The following HESX1 variants were observed in gnomAD, a reference collection of about 807,000 sequenced individuals.
HESX1 encodes the protein HESX homeobox 1, also known as homeobox expressed in ES cells 1.
In HESX1, 11 loss-of-function variants were observed where a neutral mutation model predicts 22.5. The ratio of observed to expected loss-of-function variants is 0.49; its 90% CI spans 0.31 to 0.81. The LOEUF (loss-of-function observed/expected upper bound fraction) is 0.81, where lower values mean the gene tolerates loss of function less well. HESX1 is among the 30% of genes least tolerant of loss of function. The probability of loss-of-function intolerance (pLI) is 0.05; values close to 1 mark genes in which losing one functional copy is unlikely to be tolerated. For synonymous variants in HESX1, 74 were observed against 76.5 expected, an observed-to-expected ratio of 0.97 and a Z score of 0.17; for missense variants, 201 against 212.6, an observed-to-expected ratio of 0.95 and a Z score of 0.34.
chr3:57,220,292 C>G (rs2060608545), intron 1 of HESX1, among the ~76,000 whole-genome samples: 1 of 152,108 alleles, frequency 6.6e-6, no homozygotes, highest in Admixed American at 6.5e-5. Context: ...AAAGCATTGT[C>G]TTAACACATT....
upstream of HESX1, among the ~76,000 whole-genome samples, chr3:57,201,875 A>ATCTATC (rs796249286): frequency 0.01 from 1,368 of 131,896 alleles, 10 homozygotes; most frequent in East Asian, 0.027. Flanking sequence ...CTATCTATCT[A>ATCTATC]TATCTATCTA....
chr3:57,223,046 G>A (rs1185746048), intron 1 of HESX1, among the ~76,000 whole-genome samples: 3 of 152,042 alleles, frequency 2.0e-5, no homozygotes, highest in East Asian at 1.9e-4. Flanking sequence ...TGCTTATTGC[G>A]CTAGGAGCTA....
chr3:57,206,720 C>T (rs1229878169), intron 1 of HESX1, among the ~76,000 whole-genome samples: 1 of 152,174 alleles, frequency 6.6e-6, no homozygotes, highest in Non-Finnish European at 1.5e-5. Context: ...CTGAAGACTC[C>T]TCTTGGTTCC....
chr3:57,202,405 G>A (rs755849590), upstream of HESX1, among the ~76,000 whole-genome samples: 3 of 151,810 alleles, frequency 2.0e-5, no homozygotes, highest in Non-Finnish European at 4.4e-5. Flanking sequence ...GCGTGATCTC[G>A]GCTCACTGCA....
chr3:57,210,133 T>A (rs1378863353), intron 1 of HESX1, among the ~76,000 whole-genome samples: 1 of 152,208 alleles, frequency 6.6e-6, no homozygotes, highest in East Asian at 1.9e-4. Flanking sequence ...AAACTTTGCA[T>A]ATGATATCAA....
At chr3:57,227,028 T>C (rs764479825), upstream of HESX1, among the ~76,000 whole-genome samples, 14 of 152,226 alleles carry the variant, frequency 9.2e-5, no homozygotes, top group Non-Finnish European at 2.1e-4. Flanking sequence ...GCCAATTAGT[T>C]ACTAACATAA....
intron 1 of HESX1, among the ~76,000 whole-genome samples, chr3:57,225,949 C>G (rs1417185891): frequency 6.8e-6 from 1 of 146,616 alleles, no homozygotes; most frequent in Non-Finnish European, 1.5e-5. Flanking sequence ...GGTATGATCT[C>G]AGCTCACTGC....
chr3:57,218,168 C>T (rs1407201264), intron 1 of HESX1, among the ~76,000 whole-genome samples: 2 of 152,164 alleles, frequency 1.3e-5, no homozygotes, highest in Non-Finnish European at 2.9e-5. Context: ...AAACCTGTGT[C>T]ATGGGGGTTT....
chr3:57,213,169 G>A (rs1348720917), intron 1 of HESX1, among the ~76,000 whole-genome samples: 2 of 152,020 alleles, frequency 1.3e-5, no homozygotes, highest in African/African-American at 4.8e-5. Flanking sequence ...AGATAATGAG[G>A]CATATAGGTT....
intron 1 of HESX1, among the ~76,000 whole-genome samples, chr3:57,218,336 T>A (rs1036887609): frequency 6.6e-6 from 1 of 152,200 alleles, no homozygotes; most frequent in Non-Finnish European, 1.5e-5. Flanking sequence ...AGCTCCCATT[T>A]CTAAGTGAGA....
rs2060626221 is a variant in HESX1, at chr3:57,223,471, T to C, written c.-111+2825A>G. ...AGGATGCTGTGGCAATGAGTAAAAG[T>C]GACATCAAGGTCAAGGTCAAAGGCA... On this transcript the variant is annotated intron_variant, in intron 1 of 2. Transcript: ENST00000495160. 2.0e-5 allele frequency among the ~76,000 whole-genome samples: 3 copies of C among 152,186 alleles called. No individual in the cohort carries two copies. In the South Asian group the frequency reaches 6.2e-4, roughly 31 times the overall value.
chr3:57,223,133 C>T (rs1319580525), intron 1 of HESX1, among the ~76,000 whole-genome samples: 1 of 152,084 alleles, frequency 6.6e-6, no homozygotes, highest in Non-Finnish European at 1.5e-5. Flanking sequence ...TTTCAGATGG[C>T]AGAATGGAGA....
upstream of HESX1, among the ~76,000 whole-genome samples, chr3:57,201,873 C>A (rs13095923): frequency 0.08 from 8,658 of 107,926 alleles, 316 homozygotes; most frequent in East Asian, 0.3. Flanking sequence ...ATCTATCTAT[C>A]TATATCTATC....
chr3:57,226,462 A>G (rs149275259), exon 1 of HESX1: 7 of 152,328 alleles, frequency 4.6e-5, no homozygotes, highest in African/African-American at 1.7e-4. Flanking sequence ...TCTTCGGGAG[A>G]GAGAGACTGG....
At position 57,208,605 on chromosome 3, in the gene HESX1, C is replaced by T. The variant is rs111847979; in HGVS notation, c.-110-8577G>A. Among the ~76,000 whole-genome samples, 188 of 151,232 alleles carry T rather than the reference C, an allele frequency of 1.2e-3. 1 individual carries two copies. Among genetic ancestry groups the T allele is most frequent in the African/African-American group, 4.4e-3 (180 of 41,344 alleles). The stretch of plus-strand genomic sequence containing the variant: ...CCTCAAGTGATCCACCCACCTTGGC[C>T]TCCCAAAGTGCTGAGATTACAGGCG... On this transcript the variant is annotated intron_variant, in intron 1 of 2. Coordinates refer to the HESX1 transcript ENST00000495160.
intron 1 of HESX1, among the ~76,000 whole-genome samples, chr3:57,217,485 C>A (rs566575450): frequency 6.6e-6 from 1 of 152,244 alleles, no homozygotes; most frequent in South Asian, 2.1e-4. Flanking sequence ...TCATTGCCAT[C>A]ACCTCTTACT....
chr3:57,199,080 C>A, intron 1 of HESX1, 128 bp from the exon 2 acceptor site: 1 of 815,954 alleles, frequency 1.2e-6, no homozygotes, highest in Non-Finnish European at 2.0e-6. Flanking sequence ...GAGAATTGCA[C>A]CCCGTTAACC....
upstream of HESX1, among the ~76,000 whole-genome samples, chr3:57,204,601 C>A (rs1389519140): frequency 6.6e-6 from 1 of 152,092 alleles, no homozygotes; most frequent in Non-Finnish European, 1.5e-5. Flanking sequence ...TTATGCATCA[C>A]CAGCAAAGAG....
At chr3:57,208,308 G>A (rs1012083583) in intron 1 of HESX1, among the ~76,000 whole-genome samples, 2 of 151,990 alleles carry the variant, frequency 1.3e-5, no homozygotes, top group South Asian at 4.2e-4. Flanking sequence ...TGTTATGTAT[G>A]CTAAAGAGTT....
Sources: gnomAD v4.1 joint callset for allele counts (sites outside exome capture counted in the v4.1 genomes callset) on GRCh38, gnomAD v4.1.1 for gene constraint, MANE v1.5 for transcripts, NCBI Gene and HGNC (gene_info 2026-07-23, HGNC 2026-07-21) for gene names.